The following SLC2A9 variants were observed in gnomAD, a reference collection of about 807,000 sequenced individuals.
SLC2A9 encodes solute carrier family 2, facilitated glucose transporter member 9.
Under a neutral mutation model 50.6 loss-of-function variants are expected in SLC2A9, and 39 were observed. The ratio of observed to expected loss-of-function variants is 0.77; its 90% CI spans 0.60 to 1.01. The LOEUF is 1.01. Ranked by LOEUF, SLC2A9 falls within the 50% of genes least tolerant of loss-of-function variation. SLC2A9 has a pLI of 0.00. For synonymous variants in SLC2A9, 324 were observed against 276.9 expected (o/e 1.17, Z -1.69); for missense variants, 686 against 677.6 (o/e 1.01, Z -0.14).
chr4:9,942,777 G>C (rs1029231730), intron 5 of SLC2A9, among the ~76,000 whole-genome samples: 1 of 152,204 alleles, frequency 6.6e-6, no homozygotes, highest in Non-Finnish European at 1.5e-5. Flanking sequence ...GTCCTAACCT[G>C]CTTTCTTCCT....
At chr4:9,843,127 A>T (rs1451705262) in intron 10 of SLC2A9, among the ~76,000 whole-genome samples, 2 of 152,090 alleles carry the variant, frequency 1.3e-5, no homozygotes, top group African/African-American at 4.8e-5. Flanking sequence ...GCCTGCCACA[A>T]TGTGGGCTGA....
At chr4:10,016,842 C>G (rs1010879878) in intron 2 of SLC2A9, among the ~76,000 whole-genome samples, 1 of 151,948 alleles carries the variant, frequency 6.6e-6, no homozygotes, top group East Asian at 1.9e-4. Context: ...TCTGCCATGG[C>G]TCCCTACTGC....
At chr4:9,939,645 T>C (rs1006454252) in intron 6 of SLC2A9, among the ~76,000 whole-genome samples, 3 of 152,156 alleles carry the variant, frequency 2.0e-5, no homozygotes, top group Admixed American at 2.0e-4. Flanking sequence ...CTACTTTCTA[T>C]GGTTGTTGTG....
At chr4:9,857,252 A>G (rs549911920) in intron 10 of SLC2A9, among the ~76,000 whole-genome samples, 2 of 152,214 alleles carry the variant, frequency 1.3e-5, no homozygotes, top group African/African-American at 4.8e-5. Flanking sequence ...CCCTCAGTCT[A>G]GGTCTTGGTT....
At chr4:9,834,554 T>C (rs1347683570) in intron 11 of SLC2A9, among the ~76,000 whole-genome samples, 1 of 152,112 alleles carries the variant, frequency 6.6e-6, no homozygotes, top group Non-Finnish European at 1.5e-5. Context: ...TAGATGGAAT[T>C]TGTCTTACAC....
chr4:9,952,305 A>G (rs1472347102), intron 5 of SLC2A9, among the ~76,000 whole-genome samples: 1 of 152,138 alleles, frequency 6.6e-6, no homozygotes, highest in Non-Finnish European at 1.5e-5. Flanking sequence ...TGGATCCCTC[A>G]TGGCTTAGTG....
In SLC2A9 at chr4:9,856,936, A is replaced by G. The variant is rs1730822629; in HGVS notation, c.1292-21928T>C. Among the ~76,000 whole-genome samples, 3 of 152,246 alleles carry G rather than the reference A, an allele frequency of 2.0e-5. No homozygotes were observed. The South Asian group carries it at 6.2e-4, about 32-fold the overall frequency. On this transcript the variant is annotated intron_variant, in intron 10 of 11. Transcript: ENST00000264784. The stretch of plus-strand genomic sequence containing the variant: ...ATTGAGCACACATGGACACAAGGGA[A>G]CAATGACACTGTGGCCTACTTGAGG...
At chr4:9,816,438 T>C (rs796066700) in intron 3 of SLC2A9, among the ~76,000 whole-genome samples, 1 of 152,144 alleles carries the variant, frequency 6.6e-6, no homozygotes, top group South Asian at 2.1e-4. Flanking sequence ...TTATGCAGCA[T>C]GAATAAGTTC....
chr4:9,976,113 G>T (rs1754758079), intron 5 of SLC2A9, among the ~76,000 whole-genome samples: 1 of 152,184 alleles, frequency 6.6e-6, no homozygotes, highest in African/African-American at 2.4e-5. Context: ...GGAGGGGAGG[G>T]ATAGAGGGGA....
At position 9,981,338 on chromosome 4, in the gene SLC2A9, GTGGTGGTGATGGTGA is replaced by G. The variant is rs1488124120; in HGVS notation, c.536-616_536-602del. ...TGGTGGTGATAGTGATGGTGTGGTGGTGGTGGTGATGGTGATGGTGGTGATGGTGGTCACAATGAT... is the reference window on the plus strand; with the variant it reads ...TGGTGGTGATAGTGATGGTGTGGTGGTGGTGGTGATGGTGGTCACAATGAT... On this transcript the variant is annotated intron_variant, in intron 4 of 11. Coordinates refer to ENST00000264784, the MANE Select transcript of SLC2A9 (RefSeq NM_020041.3). Among the ~76,000 whole-genome samples the G allele has an allele frequency of 8.6e-5, 12 of 139,082 alleles. No homozygotes were observed. In the East Asian group the frequency reaches 1.8e-3, roughly 21 times the overall value. 91.2% of individuals were successfully genotyped at this position (139,082 alleles called of 152,430 possible). A position where few individuals can be genotyped will look rare whatever the true frequency, so the allele number is the denominator to read the frequency against.
chr4:9,808,253 G>A lies in SLC2A9; in HGVS notation n.421-9012C>T, dbSNP rs377639130. On this transcript the variant is annotated intron_variant and non_coding_transcript_variant, in intron 3 of 3. Transcript: ENST00000503280. ...TCAGAAAACTTGTTTCCATTTTGAT[G>A]AGGTTCTTCTCCCCTGGGGCCAGCC... Among the ~76,000 whole-genome samples the A allele has an allele frequency of 6.6e-5, 10 of 152,336 alleles. No individual in the cohort carries two copies. The East Asian group carries it at 1.9e-3, about 29-fold the overall frequency.
At chr4:9,947,423 A>G (rs1299503053) in intron 5 of SLC2A9, among the ~76,000 whole-genome samples, 1 of 152,164 alleles carries the variant, frequency 6.6e-6, no homozygotes, top group Non-Finnish European at 1.5e-5. Context: ...GGGTGGGCTG[A>G]GGCTAAATCC....
intron 3 of SLC2A9, among the ~76,000 whole-genome samples, chr4:9,785,760 T>C (rs1719136936): frequency 6.6e-6 from 1 of 152,240 alleles, no homozygotes; most frequent in South Asian, 2.1e-4. Flanking sequence ...GGAACATTTA[T>C]GTGAGTCAGG....
At chr4:9,826,627 T>G in intron 11 of SLC2A9, 27 bp from the exon 12 acceptor site, 1 of 1,601,798 alleles carries the variant, frequency 6.2e-7, no homozygotes, top group Non-Finnish European at 8.6e-7. Context: ...ACAAAAACCC[T>G]CAAATAGATA....
rs1170699389 is a variant in SLC2A9, at chr4:9,970,678, A to AT, written c.681+9913dup. ...AAGAGTTAAGACTCAAAGACACAAA[A>AT]TTAAAAAAAAAAATGCAGGTTACAA... On this transcript the variant is annotated intron_variant, in intron 5 of 11. Transcript: ENST00000264784. Among the ~76,000 whole-genome samples the AT allele has an allele frequency of 3.2e-5, 4 of 123,166 alleles. No homozygotes were observed. The Admixed American group carries it at 3.4e-4, about 10-fold the overall frequency. The allele number at this position is 123,166 out of a possible 152,430, so 80.8% of individuals were successfully genotyped here.
intron 10 of SLC2A9, chr4:9,880,079 C>A (rs939679363): frequency 1.0e-6 from 1 of 985,322 alleles, no homozygotes; most frequent in East Asian, 1.1e-4. Flanking sequence ...CCATTCAGCT[C>A]TGAGCATCTT....
intron 3 of SLC2A9, among the ~76,000 whole-genome samples, chr4:9,992,908 T>C (rs1421737161): frequency 6.6e-6 from 1 of 152,222 alleles, no homozygotes; most frequent in Non-Finnish European, 1.5e-5. Context: ...GGTTTGTTTA[T>C]CTGCACTTTA....
chr4:9,866,956 C>T (rs139102406), intron 10 of SLC2A9, among the ~76,000 whole-genome samples: 4 of 152,320 alleles, frequency 2.6e-5, no homozygotes, highest in African/African-American at 4.8e-5. Flanking sequence ...GTTCTTTACA[C>T]ATCCACTTTT....
chr4:9,834,850 C>A (rs1360104694), intron 11 of SLC2A9, 31 bp downstream of exon 11: 1 of 1,613,994 alleles, frequency 6.2e-7, no homozygotes, highest in Non-Finnish European at 8.5e-7. Context: ...AAAGGGAACC[C>A]CATGGGCAAA....
Sources: allele counts gnomAD v4.1 joint callset (sites outside exome capture counted in the v4.1 genomes callset), GRCh38; gene constraint gnomAD v4.1.1; transcripts MANE v1.5; gene names NCBI Gene and HGNC (gene_info 2026-07-23, HGNC 2026-07-21).